The following DGKH variants were observed in gnomAD, a reference collection of about 807,000 sequenced individuals.
DGKH encodes the protein diacylglycerol kinase eta.
In DGKH, 90 loss-of-function variants were observed where a neutral mutation model predicts 159.3. That is an observed-to-expected ratio of 0.57 (90% confidence interval 0.48 to 0.67). DGKH has a LOEUF of 0.67. Among genes scored for constraint, DGKH ranks in the 30% least tolerant of loss-of-function variants. The pLI, the probability that DGKH is intolerant of heterozygous loss-of-function variation, is 0.00. For missense variants in DGKH, 1,181 were observed against 1,506.1 expected, an observed-to-expected ratio of 0.78 and a Z score of 3.57; for synonymous variants, 536 against 553.8, an observed-to-expected ratio of 0.97 and a Z score of 0.45.
intron 3 of DGKH, among the ~76,000 whole-genome samples, chr13:42,145,967 CATTTT>C (rs1955717952): frequency 6.6e-6 from 1 of 152,022 alleles, no homozygotes; most frequent in Non-Finnish European, 1.5e-5. Context: ...AAATTTTGGT[CATTTT>C]ATTTTTCAAA....
intron 1 of DGKH, among the ~76,000 whole-genome samples, chr13:42,061,438 C>T (rs1004891005): frequency 5.3e-5 from 8 of 152,204 alleles, no homozygotes; most frequent in East Asian, 1.9e-4. Flanking sequence ...AAAGCCTTAC[C>T]GAGGACTCCC....
At chr13:42,207,011 C>CTTTCTT (rs1310498067) in intron 21 of DGKH, among the ~76,000 whole-genome samples, 36 of 138,830 alleles carry the variant, frequency 2.6e-4, no homozygotes, top group African/African-American at 1.0e-3. Flanking sequence ...TTCTTTCTTT[C>CTTTCTT]TTTCTTTCTT....
intron 1 of DGKH, among the ~76,000 whole-genome samples, chr13:42,071,993 C>G (rs920370726): frequency 3.9e-5 from 6 of 152,064 alleles, no homozygotes; most frequent in Non-Finnish European, 7.4e-5. Context: ...TCGTAAAGAC[C>G]CTGGCATCAC....
intron 2 of DGKH, 97 bp downstream of exon 2, chr13:42,127,670 G>A (rs1167864601): frequency 1.2e-6 from 1 of 823,390 alleles, no homozygotes; most frequent in Admixed American, 2.2e-5. Context: ...GCGCACTGTA[G>A]CATTATGCTC....
At chr13:42,155,077 GC>G (rs1956009404) in intron 3 of DGKH, among the ~76,000 whole-genome samples, 1 of 152,114 alleles carries the variant, frequency 6.6e-6, no homozygotes, top group Non-Finnish European at 1.5e-5. Context: ...AGAAAAAAGG[GC>G]TAAAGAGCCC....
At chr13:42,090,971 A>G (rs1210023274) in intron 1 of DGKH, among the ~76,000 whole-genome samples, 1 of 152,178 alleles carries the variant, frequency 6.6e-6, no homozygotes, top group Non-Finnish European at 1.5e-5. Context: ...TTGGAAGCAG[A>G]GAGAGCAGCC....
chr13:42,099,775 G>GA (rs992770716), intron 1 of DGKH, among the ~76,000 whole-genome samples: 9 of 152,132 alleles, frequency 5.9e-5, no homozygotes, highest in Admixed American at 5.9e-4. Context: ...ATGTGTTGTC[G>GA]AAAATGATAA....
intron 1 of DGKH, among the ~76,000 whole-genome samples, chr13:42,041,573 G>C (rs973849623): frequency 7.2e-5 from 11 of 152,202 alleles, no homozygotes; most frequent in African/African-American, 2.7e-4. Flanking sequence ...AGTGTGCGAG[G>C]ATAAGGAGGA....
intron 12 of DGKH, among the ~76,000 whole-genome samples, chr13:42,176,902 GA>G (rs908003502): frequency 5.3e-5 from 8 of 152,292 alleles, no homozygotes; most frequent in African/African-American, 1.7e-4. Context: ...TACATATTAG[GA>G]AAATGTATGT....
At chr13:42,076,747 A>T (rs924149149) in intron 1 of DGKH, among the ~76,000 whole-genome samples, 12 of 152,142 alleles carry the variant, frequency 7.9e-5, no homozygotes, top group Non-Finnish European at 1.2e-4. Context: ...ATATTGGTTT[A>T]AAAAAAGTAC....
chr13:42,134,424 C>A (rs945661012), intron 3 of DGKH, among the ~76,000 whole-genome samples: 1 of 152,168 alleles, frequency 6.6e-6, no homozygotes, highest in African/African-American at 2.4e-5. Flanking sequence ...TTTCAGTTAT[C>A]TAAATTGCCT....
At chr13:42,164,096 C>A (rs1594125088) in intron 7 of DGKH, among the ~76,000 whole-genome samples, 1 of 151,954 alleles carries the variant, frequency 6.6e-6, no homozygotes, top group Admixed American at 6.6e-5. Context: ...AGCAGGATAT[C>A]TAGTGCCTAA....
chr13:42,111,709 G>C (rs752119917), intron 1 of DGKH, among the ~76,000 whole-genome samples: 1 of 152,182 alleles, frequency 6.6e-6, no homozygotes, highest in Admixed American at 6.5e-5. Flanking sequence ...AATATATCCA[G>C]AGGTGTTGGA....
At chr13:42,199,176 A>C (rs1169915767) in intron 18 of DGKH, among the ~76,000 whole-genome samples, 1 of 152,174 alleles carries the variant, frequency 6.6e-6, no homozygotes, top group Non-Finnish European at 1.5e-5. Flanking sequence ...GTCCATTGTT[A>C]AGTGTAGAAA....
intron 29 of DGKH, among the ~76,000 whole-genome samples, chr13:42,248,504 TTAAA>T (rs1045316359): frequency 2.0e-5 from 3 of 147,174 alleles, no homozygotes; most frequent in African/African-American, 4.9e-5. Flanking sequence ...TAATTTATAA[TTAAA>T]TAATATATAT....
chr13:42,164,383 G>A (rs1001119250), intron 7 of DGKH, among the ~76,000 whole-genome samples: 1 of 152,026 alleles, frequency 6.6e-6, no homozygotes, highest in African/African-American at 2.4e-5. Context: ...AAATGCATTT[G>A]GATTGTTAAT....
intron 1 of DGKH, among the ~76,000 whole-genome samples, chr13:42,090,318 C>T (rs1246459305): frequency 6.6e-6 from 1 of 152,158 alleles, no homozygotes; most frequent in Non-Finnish European, 1.5e-5. Context: ...GTTAAAATTT[C>T]AGTACTCTCC....
chr13:42,150,675 T>C (rs1353610316), intron 3 of DGKH, among the ~76,000 whole-genome samples: 2 of 152,206 alleles, frequency 1.3e-5, no homozygotes, highest in Non-Finnish European at 2.9e-5. Flanking sequence ...TAATTGATAT[T>C]ATTGAAATTA....
intron 3 of DGKH, among the ~76,000 whole-genome samples, chr13:42,152,867 G>A (rs1163845054): frequency 1.3e-5 from 2 of 152,126 alleles, no homozygotes; most frequent in Admixed American, 6.5e-5. Flanking sequence ...ATTGTGGGAG[G>A]GGGAGCACAT....
Sources: gnomAD v4.1 joint callset for allele counts (sites outside exome capture counted in the v4.1 genomes callset) on GRCh38, gnomAD v4.1.1 for gene constraint, MANE v1.5 for transcripts, NCBI Gene and HGNC (gene_info 2026-07-23, HGNC 2026-07-21) for gene names.